GFRA1: variants seen among roughly 807,000 people sequenced by gnomAD.
GFRA1 encodes GDNF family receptor alpha-1.
A neutral mutation model predicts 51.6 loss-of-function variants in GFRA1; 16 were observed. The ratio of observed to expected loss-of-function variants is 0.31; its 90% CI spans 0.21 to 0.47. GFRA1 has a LOEUF of 0.47. Ranked by LOEUF, GFRA1 falls within the 20% of genes least tolerant of loss-of-function variation. GFRA1 has a pLI of 1.00. For synonymous variants in GFRA1, 270 were observed against 241.3 expected (o/e 1.12, Z -1.10); for missense variants, 530 against 594.3 (o/e 0.89, Z 1.13).
intron 4 of GFRA1, among the ~76,000 whole-genome samples, chr10:116,235,395 G>C (rs1264098314): frequency 6.6e-6 from 1 of 152,080 alleles, no homozygotes; most frequent in Non-Finnish European, 1.5e-5. Flanking sequence ...GAATAAAACG[G>C]TATTGACAAT....
intron 3 of GFRA1, among the ~76,000 whole-genome samples, chr10:116,270,394 C>A (rs970051717): frequency 6.6e-6 from 1 of 152,194 alleles, no homozygotes; most frequent in Admixed American, 6.5e-5. Context: ...CATCTTACAT[C>A]AGAGCAGGTT....
chr10:116,162,836 A>C (rs1313665632), intron 5 of GFRA1, among the ~76,000 whole-genome samples: 1 of 152,238 alleles, frequency 6.6e-6, no homozygotes, highest in African/African-American at 2.4e-5. Flanking sequence ...CTTAGAACAA[A>C]GTCCTTGCAA....
At chr10:116,222,427 G>A (rs898464310) in intron 4 of GFRA1, among the ~76,000 whole-genome samples, 1 of 152,128 alleles carries the variant, frequency 6.6e-6, no homozygotes, top group Non-Finnish European at 1.5e-5. Context: ...AGGAACTCCT[G>A]ACCTCAGGTG....
chr10:116,136,650 T>G (rs1028225436), intron 5 of GFRA1, among the ~76,000 whole-genome samples: 1 of 152,210 alleles, frequency 6.6e-6, no homozygotes, highest in Non-Finnish European at 1.5e-5. Context: ...GCTTTCAGAT[T>G]ATCTCTGTGT....
At chr10:116,248,139 C>T (rs1447796778) in intron 4 of GFRA1, among the ~76,000 whole-genome samples, 2 of 152,154 alleles carry the variant, frequency 1.3e-5, no homozygotes, top group African/African-American at 2.4e-5. Flanking sequence ...AGGCTGAATC[C>T]GACCAGATCT....
At chr10:116,158,162 T>G (rs1287835330) in intron 5 of GFRA1, among the ~76,000 whole-genome samples, 2 of 152,264 alleles carry the variant, frequency 1.3e-5, no homozygotes, top group African/African-American at 4.8e-5. Context: ...AAGGAAGATG[T>G]TCTCTGCAAA....
intron 4 of GFRA1, among the ~76,000 whole-genome samples, chr10:116,229,708 G>A (rs1206607111): frequency 6.6e-6 from 1 of 152,210 alleles, no homozygotes; most frequent in African/African-American, 2.4e-5. Flanking sequence ...ACAGTCAGCT[G>A]TAGGGCTGCC....
chr10:116,225,676 G>A (rs1242984759), intron 4 of GFRA1, among the ~76,000 whole-genome samples: 1 of 144,628 alleles, frequency 6.9e-6, no homozygotes, highest in African/African-American at 2.6e-5. Flanking sequence ...AGCAGCCTCT[G>A]CCTCCCAAGT....
intron 5 of GFRA1, among the ~76,000 whole-genome samples, chr10:116,128,725 CAAAAAAAA>C (rs67642059): frequency 3.1e-4 from 27 of 87,810 alleles, no homozygotes; most frequent in South Asian, 8.0e-4. Flanking sequence ...GACTCTGTCT[CAAAAAAAA>C]AAAAAAAAAA....
intron 9 of GFRA1, among the ~76,000 whole-genome samples, chr10:116,077,415 C>CTAT (rs1210495504): frequency 2.0e-5 from 3 of 152,132 alleles, no homozygotes; most frequent in Non-Finnish European, 4.4e-5. Context: ...TTGATAAAAG[C>CTAT]TATTTTTCTA....
intron 2 of GFRA1, 88 bp downstream of exon 2, chr10:116,271,902 T>G: frequency 3.9e-6 from 4 of 1,032,568 alleles, no homozygotes; most frequent in African/African-American, 1.6e-5. Flanking sequence ...CGCGCCCCAA[T>G]TTTGGTGCGG....
chr10:116,180,096 A>C (rs1962060798), intron 5 of GFRA1, among the ~76,000 whole-genome samples: 1 of 152,220 alleles, frequency 6.6e-6, no homozygotes, highest in African/African-American at 2.4e-5. Context: ...CCAGTCAGCA[A>C]ATATTTCTTT....
chr10:116,215,896 C>A (rs1445345308), intron 4 of GFRA1, among the ~76,000 whole-genome samples: 3 of 152,176 alleles, frequency 2.0e-5, no homozygotes, highest in African/African-American at 7.2e-5. Context: ...TCCCCACCAG[C>A]CCCTGGAGCC....
At chr10:116,171,552 A>T (rs1047064081) in intron 5 of GFRA1, among the ~76,000 whole-genome samples, 1 of 152,198 alleles carries the variant, frequency 6.6e-6, no homozygotes, top group Non-Finnish European at 1.5e-5. Context: ...TATTCAAGAA[A>T]TTTTTCTTTA....
chr10:116,116,348 C>A (rs79585197), intron 6 of GFRA1, among the ~76,000 whole-genome samples: 2 of 152,336 alleles, frequency 1.3e-5, no homozygotes, highest in East Asian at 3.9e-4. Flanking sequence ...CCTGGATGAC[C>A]CCAAACTGGT....
chr10:116,262,618 GAC>G (rs1356019715), intron 4 of GFRA1, among the ~76,000 whole-genome samples: 1 of 152,216 alleles, frequency 6.6e-6, no homozygotes, highest in East Asian at 1.9e-4. Flanking sequence ...GGGGTGGTAG[GAC>G]GCTGGGTGAT....
At chr10:116,136,903 T>G (rs1028549872) in intron 5 of GFRA1, among the ~76,000 whole-genome samples, 2 of 152,182 alleles carry the variant, frequency 1.3e-5, no homozygotes, top group African/African-American at 4.8e-5. Flanking sequence ...AATGAATATA[T>G]GTAAGGATTT....
chr10:116,117,981 C>G (rs2133993924), intron 6 of GFRA1, among the ~76,000 whole-genome samples: 1 of 152,262 alleles, frequency 6.6e-6, no homozygotes, highest in South Asian at 2.1e-4. Context: ...ACCTCCACCA[C>G]ACACCTGGTG....
chr10:116,099,946 G>A (rs1047173427), intron 6 of GFRA1, among the ~76,000 whole-genome samples: 6 of 152,138 alleles, frequency 3.9e-5, no homozygotes, highest in African/African-American at 1.4e-4. Context: ...TCCTAATTCT[G>A]TAGTCAAGGA....
Sources: allele counts gnomAD v4.1 joint callset (sites outside exome capture counted in the v4.1 genomes callset), GRCh38; gene constraint gnomAD v4.1.1; transcripts MANE v1.5; gene names NCBI Gene and HGNC (gene_info 2026-07-23, HGNC 2026-07-21).